The following SRGAP1 variants were observed in gnomAD, a reference collection of about 807,000 sequenced individuals.
The protein encoded by SRGAP1 is SLIT-ROBO Rho GTPase-activating protein 1.
Under a neutral mutation model 121.9 loss-of-function variants are expected in SRGAP1, and 43 were observed. The ratio of observed to expected loss-of-function variants is 0.35; its 90% CI spans 0.28 to 0.46. The LOEUF (loss-of-function observed/expected upper bound fraction) is 0.46. Among genes scored for constraint, SRGAP1 ranks in the 20% least tolerant of loss-of-function variants. The pLI, the probability that SRGAP1 is intolerant of heterozygous loss-of-function variation, is 1.00. For synonymous variants in SRGAP1, 447 were observed against 485.4 expected (o/e 0.92, Z 1.04); for missense variants, 1,102 against 1,350.9 (o/e 0.82, Z 2.89).
chr12:63,966,529 C>G (rs1394196973), intron 1 of SRGAP1, among the ~76,000 whole-genome samples: 8 of 152,016 alleles, frequency 5.3e-5, no homozygotes, highest in Non-Finnish European at 1.0e-4. Context: ...CACATTGGAT[C>G]AAGTTTTCTC....
intron 1 of SRGAP1, among the ~76,000 whole-genome samples, chr12:63,932,342 CAT>C (rs917868013): frequency 6.6e-6 from 1 of 152,170 alleles, no homozygotes; most frequent in African/African-American, 2.4e-5. Context: ...AAATCAAACA[CAT>C]GAGCTAATCT....
chr12:63,940,901 G>A (rs1328099069), intron 1 of SRGAP1, among the ~76,000 whole-genome samples: 1 of 152,106 alleles, frequency 6.6e-6, no homozygotes. Context: ...AAAACAACTA[G>A]CCGCTTATCA....
At chr12:63,864,492 A>G (rs1899557964) in intron 1 of SRGAP1, among the ~76,000 whole-genome samples, 1 of 152,184 alleles carries the variant, frequency 6.6e-6, no homozygotes, top group Non-Finnish European at 1.5e-5. Context: ...CAGCTCAGCT[A>G]CTTTCTGGCA....
At chr12:64,032,609 A>G in intron 4 of SRGAP1, 1 of 525,952 alleles carries the variant, frequency 1.9e-6, no homozygotes, top group Non-Finnish European at 3.4e-6. Context: ...AGCTGACAAC[A>G]AGCCCCCACA....
chr12:64,142,964 A>G lies in SRGAP1; in HGVS notation c.*292A>G. On this transcript the variant is annotated 3_prime_UTR_variant, in exon 22 of 22. Transcript: ENST00000355086. ...TGTAATGAAGGCAACACCGCTCTCC[A>G]CATTGTACAGAGCTTCAGGTTTAAT... 2.7e-6 allele frequency: 1 copy of G among 372,524 alleles called. No individual in the cohort carries two copies. Among genetic ancestry groups the G allele is most frequent in the South Asian group, 3.1e-5 (1 of 32,770 alleles). The allele number at this position is 372,524 out of a possible 1,614,324, so 23.1% of individuals were successfully genotyped here. A position where few individuals can be genotyped will look rare whatever the true frequency, so the allele number is the denominator to read the frequency against.
rs1363923192 is a variant in SRGAP1, at chr12:64,080,318, C to A, written c.1356C>A (p.Leu452=). ...KLREYLEGSN[L]ITKLQAKHDL... is the part of the protein sequence containing the mutation. Reference sequence around the variant, plus strand: ...GAGAATATTTGGAAGGCAGTAATCTCATCACAAAACTTCAAGCCAAACATG... The same window carrying A: ...GAGAATATTTGGAAGGCAGTAATCTAATCACAAAACTTCAAGCCAAACATG... Residue 452 remains leucine (L), a synonymous_variant, in exon 10 of 22, where the codon CTC becomes CTA. Transcript: ENST00000355086. 1 of 1,613,810 alleles carries A rather than the reference C, an allele frequency of 6.2e-7. No individual in the cohort carries two copies. Among genetic ancestry groups the A allele is most frequent in the South Asian group, 1.1e-5 (1 of 91,048 alleles).
intron 3 of SRGAP1, among the ~76,000 whole-genome samples, chr12:63,994,073 G>A (rs1001397407): frequency 2.0e-5 from 3 of 152,034 alleles, no homozygotes; most frequent in Non-Finnish European, 4.4e-5. Context: ...TTGTAAATAC[G>A]CCTCAGTTTC....
At chr12:63,977,166 A>C (rs2033117801) in intron 1 of SRGAP1, among the ~76,000 whole-genome samples, 1 of 152,184 alleles carries the variant, frequency 6.6e-6, no homozygotes, top group Non-Finnish European at 1.5e-5. Flanking sequence ...TATTCACATG[A>C]GCTGTGAGCA....
intron 1 of SRGAP1, among the ~76,000 whole-genome samples, chr12:63,914,836 A>G (rs2030707389): frequency 6.6e-6 from 1 of 152,074 alleles, no homozygotes; most frequent in South Asian, 2.1e-4. Context: ...CTACGTAATT[A>G]GGACTTTGAA....
chr12:63,955,804 G>T (rs2032446470), intron 1 of SRGAP1, among the ~76,000 whole-genome samples: 1 of 151,902 alleles, frequency 6.6e-6, no homozygotes, highest in Non-Finnish European at 1.5e-5. Context: ...TTTGGGATAG[G>T]AAAAAAACTT....
At chr12:64,135,585 C>A (rs748299562) in intron 21 of SRGAP1, among the ~76,000 whole-genome samples, 1 of 152,128 alleles carries the variant, frequency 6.6e-6, no homozygotes, top group African/African-American at 2.4e-5. Flanking sequence ...TTGCCTCTCA[C>A]GAGCGATGAA....
At chr12:64,113,391 G>C (rs1302987879) in intron 17 of SRGAP1, among the ~76,000 whole-genome samples, 2 of 152,164 alleles carry the variant, frequency 1.3e-5, no homozygotes, top group East Asian at 1.9e-4. Context: ...CTGGGTGACA[G>C]AGCAAGATTC....
In SRGAP1 at chr12:64,078,950, C is replaced by T. The variant is rs775553586; in HGVS notation, c.1157C>T (p.Thr386Met). Residue 386 changes from threonine to methionine, a missense_variant, in exon 9 of 22, where the codon ACG becomes ATG. By Grantham distance (81) the Thr-to-Met change is moderately conservative (BLOSUM62 -1). Around this residue, in one of 3 missense-constraint regions of SRGAP1, gnomAD observed 747 missense variants for 929.4 expected, o/e 0.80. Transcript: ENST00000355086. ...VKKTTEATLQTIQDMVTIEDY... is the reference protein window; with the variant it reads ...VKKTTEATLQMIQDMVTIEDY... ...AAAACGACTGAAGCCACCTTGCAGA[C>T]GATACAAGATATGGTCACCATCGAG... 13 of 1,613,808 alleles carry T rather than the reference C, an allele frequency of 8.1e-6. No homozygotes were observed. Among genetic ancestry groups the T allele is most frequent in the African/African-American group, 2.7e-5 (2 of 74,920 alleles).
At chr12:63,956,535 A>T (rs1283133186) in intron 1 of SRGAP1, among the ~76,000 whole-genome samples, 1 of 152,202 alleles carries the variant, frequency 6.6e-6, no homozygotes, top group Non-Finnish European at 1.5e-5. Context: ...GTTCAAGATG[A>T]TTGGGTGCTG....
intron 1 of SRGAP1, among the ~76,000 whole-genome samples, chr12:63,943,242 T>C (rs747543573): frequency 1.5e-4 from 23 of 152,224 alleles, no homozygotes; most frequent in Admixed American, 1.1e-3. Context: ...TTAAAAAATA[T>C]AATGAGCATC....
intron 1 of SRGAP1, among the ~76,000 whole-genome samples, chr12:63,967,150 C>G (rs2032811774): frequency 6.6e-6 from 1 of 152,172 alleles, no homozygotes; most frequent in Non-Finnish European, 1.5e-5. Flanking sequence ...TATATAAAAG[C>G]AACTAGCAGG....
intron 2 of SRGAP1, among the ~76,000 whole-genome samples, chr12:63,987,680 C>T (rs950109365): frequency 6.6e-6 from 1 of 152,114 alleles, no homozygotes; most frequent in Non-Finnish European, 1.5e-5. Context: ...CAAGATCACA[C>T]CATTGCAGCC....
chr12:64,112,808 T>C (rs949316846), intron 17 of SRGAP1, among the ~76,000 whole-genome samples: 3 of 152,114 alleles, frequency 2.0e-5, no homozygotes, highest in Non-Finnish European at 2.9e-5. Context: ...AAATATCACA[T>C]GTTCTTACTC....
intron 6 of SRGAP1, among the ~76,000 whole-genome samples, chr12:64,049,529 G>A (rs1009070806): frequency 1.3e-5 from 2 of 152,144 alleles, no homozygotes; most frequent in Admixed American, 6.6e-5. Flanking sequence ...AATAGCATGA[G>A]GGTAATTGTC....
Sources: allele counts gnomAD v4.1 joint callset (sites outside exome capture counted in the v4.1 genomes callset), GRCh38; gene constraint gnomAD v4.1.1; regional missense constraint gnomAD v4.1.1; transcripts MANE v1.5; gene names NCBI Gene and HGNC (gene_info 2026-07-23, HGNC 2026-07-21).